Variants in LY75 observed in about 807,000 individuals in gnomAD.
LY75 encodes C-type lectin domain family 13 member B.
Under a neutral mutation model 231.7 loss-of-function variants are expected in LY75, and 185 were observed. That is an observed-to-expected ratio of 0.80 (90% CI 0.71 to 0.90). The LOEUF (loss-of-function observed/expected upper bound fraction) is 0.90. Among genes scored for constraint, LY75 ranks in the 40% least tolerant of loss-of-function variants. The pLI is 0.00. For synonymous variants in LY75, 668 were observed against 689.0 expected, an observed-to-expected ratio of 0.97 and a Z score of 0.48; for missense variants, 1,947 against 2,050.2, an observed-to-expected ratio of 0.95 and a Z score of 0.97.
intron 32 of LY75, among the ~76,000 whole-genome samples, chr2:159,809,309 C>T (rs1336155736): frequency 2.0e-5 from 3 of 152,158 alleles, no homozygotes; most frequent in African/African-American, 7.2e-5. Flanking sequence ...AAATTTGTCA[C>T]GGGAAAGAGC....
At chr2:159,829,903 TA>T (rs1356512694) in intron 28 of LY75, among the ~76,000 whole-genome samples, 2 of 152,242 alleles carry the variant, frequency 1.3e-5, no homozygotes, top group Admixed American at 6.5e-5. Context: ...ATAATATAAC[TA>T]CAAAGTATAC....
At chr2:159,820,312 T>C (rs1044108434) in intron 28 of LY75, among the ~76,000 whole-genome samples, 1 of 151,866 alleles carries the variant, frequency 6.6e-6, no homozygotes, top group Admixed American at 6.6e-5. Context: ...ACAAAGAAAA[T>C]GTGGTAATGT....
intron 16 of LY75, 149 bp downstream of exon 16, chr2:159,858,213 G>A: frequency 1.1e-6 from 1 of 896,836 alleles, no homozygotes; most frequent in Admixed American, 3.7e-5. Flanking sequence ...GCCGGAGTCA[G>A]GCAGGGGGTG....
intron 8 of LY75, 131 bp from the exon 9 acceptor site, chr2:159,879,500 C>A (rs1685373236): frequency 1.5e-6 from 2 of 1,330,606 alleles, no homozygotes; most frequent in Admixed American, 5.2e-5. Flanking sequence ...AATGTGAGAA[C>A]ACACTCCTAG....
intron 23 of LY75, among the ~76,000 whole-genome samples, chr2:159,848,068 G>GTATATATATATATATATATA (rs557189751): frequency 1.6e-5 from 2 of 123,896 alleles, no homozygotes; most frequent in African/African-American, 6.9e-5. Flanking sequence ...ATTATGGTGT[G>GTATATATATATATATATATA]TATATATATA....
At chr2:159,825,006 G>A (rs958883497) in intron 28 of LY75, among the ~76,000 whole-genome samples, 1 of 152,144 alleles carries the variant, frequency 6.6e-6, no homozygotes, top group Non-Finnish European at 1.5e-5. Flanking sequence ...GAGAAAGCAG[G>A]AAAGATCTAA....
Position 159,809,929 on chromosome 2 carries a change from C to T in LY75, c.4699+597G>A, listed in dbSNP as rs1229339940. Among the ~76,000 whole-genome samples, 4 of 152,086 alleles carry T rather than the reference C, an allele frequency of 2.6e-5. 1 individual carries two copies. Among genetic ancestry groups the T allele is most frequent in the Admixed American group, 1.3e-4 (2 of 15,268 alleles). On this transcript the variant is annotated intron_variant, in intron 32 of 34. Transcript: ENST00000263636. ...CTAACCTCAAGTGATCCTCCCACCT[C>T]GGCCTCCCAAAGTGCTGGGATTATA...
At chr2:159,809,492 A>G (rs1682888358) in intron 32 of LY75, among the ~76,000 whole-genome samples, 1 of 152,192 alleles carries the variant, frequency 6.6e-6, no homozygotes, top group Non-Finnish European at 1.5e-5. Flanking sequence ...GCAATGGAAC[A>G]ACTATAATTT....
chr2:159,816,436 C>A (rs1049833430), intron 30 of LY75, among the ~76,000 whole-genome samples: 1 of 152,108 alleles, frequency 6.6e-6, no homozygotes, highest in Admixed American at 6.6e-5. Context: ...AATAAGGTTG[C>A]AAAGGTTAAT....
At chr2:159,858,629 A>T in intron 15 of LY75, 153 bp from the exon 16 acceptor site, 3 of 500,666 alleles carry the variant, frequency 6.0e-6, no homozygotes, top group Non-Finnish European at 7.7e-6. Flanking sequence ...GGAATATTTA[A>T]ACAGTAATAC....
chr2:159,839,827 G>A (rs994838201), intron 25 of LY75, among the ~76,000 whole-genome samples: 3 of 151,864 alleles, frequency 2.0e-5, no homozygotes, highest in Non-Finnish European at 4.4e-5. Context: ...CCAACATGGT[G>A]AAACCCCATC....
rs1226104311 is a variant in LY75 at position 159,904,705 on chromosome 2, G to A, written c.-23C>T. 3 of 1,408,378 alleles carry A rather than the reference G, an allele frequency of 2.1e-6. No homozygotes were observed. Among genetic ancestry groups the A allele is most frequent in the South Asian group, 1.5e-5 (1 of 66,342 alleles). The allele number at this position is 1,408,378 out of a possible 1,614,324, so 87.2% of individuals were successfully genotyped here. ...CATCCTGAGCTGGCGCAAGCCTTCC[G>A]GCCGGGTCCTCGGGCGCACGCGGCT... On this transcript the variant is annotated 5_prime_UTR_variant, in exon 1 of 35. Transcript: ENST00000263636.
At chr2:159,893,847 T>G (rs1243737109) in intron 3 of LY75, 67 bp downstream of exon 3, 10 of 1,511,274 alleles carry the variant, frequency 6.6e-6, no homozygotes, top group Non-Finnish European at 8.8e-6. Context: ...TTTGAACTCT[T>G]CCTTCTCCCT....
In LY75 at chr2:159,852,340, T is replaced by A; in HGVS notation, c.2744A>T (p.Asp915Val). Residue 915 changes from aspartate (D) to valine (V), a missense_variant and splice_region_variant, in exon 21 of 35, where the codon GAC (aspartate) becomes GTC (valine). Physicochemically the swap from Asp to Val is radical, Grantham distance 152. Transcript: ENST00000263636. Reference protein sequence around the residue: ...LYMSAKTWLIDLGKPTDCSTK... With the variant: ...LYMSAKTWLIVLGKPTDCSTK... ...ACTACAGTCTGTTGGTTTACCTAAG[T>A]CTGAGAAATGAAAAGCCAGGATTAC... 5.0e-6 allele frequency: 8 copies of A among 1,612,078 alleles called. No individual in the cohort carries two copies. Among genetic ancestry groups the A allele is most frequent in the Non-Finnish European group, 6.8e-6 (8 of 1,179,124 alleles).
intron 3 of LY75, 130 bp downstream of exon 3, chr2:159,893,784 C>A: frequency 7.5e-7 from 1 of 1,330,498 alleles, no homozygotes; most frequent in Admixed American, 2.7e-5. Flanking sequence ...TCTTCTCCTC[C>A]AAACATACAC....
chr2:159,869,116 A>T (rs1331695677), intron 13 of LY75, among the ~76,000 whole-genome samples: 1 of 152,118 alleles, frequency 6.6e-6, no homozygotes, highest in Non-Finnish European at 1.5e-5. Context: ...ACTTGGACAC[A>T]GGGCGGGGAA....
At chr2:159,893,002 T>C (rs934776878) in intron 3 of LY75, among the ~76,000 whole-genome samples, 2 of 152,132 alleles carry the variant, frequency 1.3e-5, no homozygotes, top group Non-Finnish European at 2.9e-5. Context: ...TTTCTTAAAC[T>C]ACCCTTTGCT....
At chr2:159,808,295 T>C (rs1682848429) in intron 33 of LY75, 154 bp downstream of exon 33, 1 of 876,254 alleles carries the variant, frequency 1.1e-6, no homozygotes, top group Non-Finnish European at 1.4e-6. Flanking sequence ...CATTCAAAAT[T>C]TATAACCATC....
chr2:159,839,491 A>G (rs1683937932), intron 25 of LY75, among the ~76,000 whole-genome samples: 1 of 152,230 alleles, frequency 6.6e-6, no homozygotes, highest in Non-Finnish European at 1.5e-5. Flanking sequence ...TGAGACATCT[A>G]TCTAGGATCA....
Sources: allele counts gnomAD v4.1 joint callset (sites outside exome capture counted in the v4.1 genomes callset), GRCh38; gene constraint gnomAD v4.1.1; transcripts MANE v1.5; gene names NCBI Gene and HGNC (gene_info 2026-07-23, HGNC 2026-07-21).